Variants in COLEC10 observed in about 807,000 individuals in gnomAD.
COLEC10 encodes collectin-10.
COLEC10 carries 22 observed loss-of-function variants against 28.4 expected under a neutral mutation model. That is an observed-to-expected ratio of 0.78 (90% CI 0.55 to 1.11). The LOEUF (loss-of-function observed/expected upper bound fraction) is 1.11, where lower values mean the gene tolerates loss of function less well. Ranked by LOEUF, COLEC10 falls within the 50% of genes least tolerant of loss-of-function variation. COLEC10 has a pLI of 0.00. For missense variants in COLEC10, 361 were observed against 344.1 expected (o/e 1.05, Z -0.39); for synonymous variants, 125 against 116.1 (o/e 1.08, Z -0.49).
chr8:118,965,577 G>C, the COLEC10 span, among the ~76,000 whole-genome samples: 2 of 151,742 alleles, frequency 1.3e-5, no homozygotes, highest in East Asian at 3.9e-4. Flanking sequence ...GGTTGGGAAA[G>C]TGTGTGCCTG....
the COLEC10 span, among the ~76,000 whole-genome samples, chr8:118,960,780 T>G: frequency 1.9e-5 from 2 of 102,802 alleles, no homozygotes; most frequent in Non-Finnish European, 3.4e-5. Context: ...AGAGTGAGAC[T>G]CTGTGAAAAA....
At chr8:118,976,701 T>G in the COLEC10 span, 1 of 152,296 alleles carries the variant, frequency 6.6e-6, no homozygotes, top group African/African-American at 2.4e-5. Flanking sequence ...AAGGACTTCA[T>G]GTCTAAAACA....
chr8:119,048,902 C>T (rs1221675201), intron 2 of COLEC10, among the ~76,000 whole-genome samples: 1 of 152,052 alleles, frequency 6.6e-6, no homozygotes, highest in Non-Finnish European at 1.5e-5. Flanking sequence ...GTTATGCAGG[C>T]TTGATTATGT....
intron 2 of COLEC10, among the ~76,000 whole-genome samples, chr8:119,021,285 A>G (rs4336638): frequency 0.95 from 144,408 of 152,290 alleles, 68,533 homozygotes; most frequent in East Asian, 1. Context: ...ATTATTTCCA[A>G]ATTTATGCTA....
the COLEC10 span, among the ~76,000 whole-genome samples, chr8:118,969,030 A>C: frequency 5.9e-5 from 9 of 152,182 alleles, no homozygotes; most frequent in East Asian, 1.5e-3. Flanking sequence ...CTTGAGTTAG[A>C]GGCATTATCC....
the COLEC10 span, among the ~76,000 whole-genome samples, chr8:118,955,424 G>A: frequency 6.6e-6 from 1 of 152,158 alleles, no homozygotes; most frequent in African/African-American, 2.4e-5. Flanking sequence ...TTGTTTAAGG[G>A]TTTGCCTGAA....
At chr8:119,078,929 A>T (rs1269741757) in intron 1 of COLEC10, among the ~76,000 whole-genome samples, 1 of 151,932 alleles carries the variant, frequency 6.6e-6, no homozygotes, top group African/African-American at 2.4e-5. Context: ...ATTGTATGTT[A>T]CATATACAGA....
chr8:119,011,101 A>T (rs1422272034), intron 2 of COLEC10, among the ~76,000 whole-genome samples: 2 of 150,944 alleles, frequency 1.3e-5, no homozygotes, highest in African/African-American at 4.9e-5. Flanking sequence ...CTTCTCTTGA[A>T]GTTTTATAGT....
chr8:119,045,094 C>T (rs1346086225), intron 2 of COLEC10, among the ~76,000 whole-genome samples: 1 of 152,092 alleles, frequency 6.6e-6, no homozygotes, highest in Non-Finnish European at 1.5e-5. Flanking sequence ...CTAATTACTC[C>T]CAAATTCTTG....
chr8:119,087,144 A>G (rs1337012529), intron 1 of COLEC10, among the ~76,000 whole-genome samples: 1 of 152,196 alleles, frequency 6.6e-6, no homozygotes, highest in Non-Finnish European at 1.5e-5. Context: ...TTATATTTGT[A>G]GAATGTCTTA....
chr8:119,046,622 AG>A (rs1814591979), intron 2 of COLEC10, among the ~76,000 whole-genome samples: 1 of 152,224 alleles, frequency 6.6e-6, no homozygotes, highest in African/African-American at 2.4e-5. Context: ...AAGAAACTAT[AG>A]AAAGTTCAAG....
At position 119,091,427 on chromosome 8, in the gene COLEC10, T is replaced by A. The variant is rs142018850; in HGVS notation, c.292+207T>A. 2.6e-3 allele frequency among the ~76,000 whole-genome samples: 397 copies of A among 149,942 alleles called. 1 individual carries two copies. Among genetic ancestry groups the A allele is most frequent in the African/African-American group, 9.4e-3 (383 of 40,764 alleles). On this transcript the variant is annotated intron_variant, in intron 3 of 5. Transcript: ENST00000332843. ...TGAATTAGCTGGGCATGGTGGCACA[T>A]ACCTATAGTCCCAGCTACATAGGAG... is the stretch of plus-strand genomic sequence containing the variant.
chr8:118,998,698 T>A (rs1350471882), intron 1 of COLEC10, among the ~76,000 whole-genome samples: 8 of 119,608 alleles, frequency 6.7e-5, no homozygotes, highest in Admixed American at 4.0e-4. Context: ...AAAAAAAAAA[T>A]TAGCCAGGCG....
At chr8:119,035,523 C>G (rs899990665) in intron 2 of COLEC10, among the ~76,000 whole-genome samples, 50 of 151,344 alleles carry the variant, frequency 3.3e-4, no homozygotes, top group African/African-American at 1.2e-3. Flanking sequence ...TAGTGTTATA[C>G]AGATCCCTTC....
At chr8:119,070,448 T>TCTCG in intron 1 of COLEC10, among the ~76,000 whole-genome samples, 1 of 115,346 alleles carries the variant, frequency 8.7e-6, no homozygotes, top group South Asian at 3.1e-4. Context: ...TCTCCCTCGC[T>TCTCG]CTCTCTCTCT....
chr8:119,103,971 G>T, intron 5 of COLEC10, 76 bp downstream of exon 5: 1 of 1,023,246 alleles, frequency 9.8e-7, no homozygotes, highest in South Asian at 1.3e-5. Context: ...ACTCTTAGAT[G>T]GAAATATCTT....
At chr8:118,977,794 A>G in the COLEC10 span, among the ~76,000 whole-genome samples, 1,947 of 151,604 alleles carry the variant, frequency 0.013, 22 homozygotes, top group Middle Eastern at 0.024. Context: ...AAAAATATAT[A>G]TATATACAAA....
intron 3 of COLEC10, among the ~76,000 whole-genome samples, chr8:119,100,768 G>T (rs1176425656): frequency 6.6e-6 from 1 of 152,126 alleles, no homozygotes; most frequent in Non-Finnish European, 1.5e-5. Context: ...CATTGGTATA[G>T]ATTTCACCGT....
At chr8:119,020,686 G>A (rs1432210931) in intron 2 of COLEC10, among the ~76,000 whole-genome samples, 1 of 152,140 alleles carries the variant, frequency 6.6e-6, no homozygotes, top group Non-Finnish European at 1.5e-5. Flanking sequence ...ATATCAGTGT[G>A]ACAGTAAAGA....
Sources: allele counts gnomAD v4.1 joint callset (sites outside exome capture counted in the v4.1 genomes callset), GRCh38; gene constraint gnomAD v4.1.1; transcripts MANE v1.5; gene names NCBI Gene and HGNC (gene_info 2026-07-23, HGNC 2026-07-21).